The following RBMS3 variants were observed in gnomAD, a reference collection of about 807,000 sequenced individuals.
The protein encoded by RBMS3 is RNA-binding motif, single-stranded-interacting protein 3.
In RBMS3, 27 loss-of-function variants were observed where a neutral mutation model predicts 66.8. The observed-to-expected ratio is 0.40, with a 90% CI of 0.30 to 0.56. The LOEUF is 0.56. Ranked by LOEUF, RBMS3 falls within the 20% of genes least tolerant of loss-of-function variation. RBMS3 has a pLI of 0.40. For synonymous variants in RBMS3, 188 were observed against 183.0 expected, an observed-to-expected ratio of 1.03 and a Z score of -0.22; for missense variants, 513 against 549.5, an observed-to-expected ratio of 0.93 and a Z score of 0.66.
At chr3:29,311,440 G>A (rs932833229) in intron 1 of RBMS3, among the ~76,000 whole-genome samples, 2 of 151,686 alleles carry the variant, frequency 1.3e-5, no homozygotes, top group African/African-American at 4.8e-5. Flanking sequence ...CTGCCAGATT[G>A]GTTGAAGAAT....
chr3:29,482,999 C>T (rs1255443724), intron 2 of RBMS3, among the ~76,000 whole-genome samples: 2 of 151,796 alleles, frequency 1.3e-5, no homozygotes, highest in South Asian at 2.1e-4. Flanking sequence ...AGCCGCCGCC[C>T]CCAGCCTACC....
chr3:29,690,244 G>A (rs1047525453), intron 4 of RBMS3, among the ~76,000 whole-genome samples: 2 of 152,088 alleles, frequency 1.3e-5, no homozygotes, highest in Non-Finnish European at 2.9e-5. Context: ...GAGCCCAGGA[G>A]TTTAAGACCA....
chr3:29,695,408 G>T (rs980419630), intron 4 of RBMS3, among the ~76,000 whole-genome samples: 3 of 152,126 alleles, frequency 2.0e-5, no homozygotes, highest in Non-Finnish European at 4.4e-5. Flanking sequence ...AGCTCACTGC[G>T]AACTTCTTAG....
intron 5 of RBMS3, among the ~76,000 whole-genome samples, chr3:29,747,210 A>G (rs2054941467): frequency 6.6e-6 from 1 of 152,208 alleles, no homozygotes; most frequent in South Asian, 2.1e-4. Context: ...GAATTGGGCC[A>G]ATACATTTAT....
At position 29,506,584 on chromosome 3, in the gene RBMS3, TG is replaced by T. The variant is rs556132716; in HGVS notation, c.307+18087del. Among the ~76,000 whole-genome samples the T allele has an allele frequency of 2.6e-4, 40 of 152,182 alleles. No individual in the cohort carries two copies. In the South Asian group the frequency reaches 7.2e-3, roughly 28 times the overall value. ...TCAGGCTTTGATGACAGGAAAATGC[TG>T]GCCCTATAAAATGTATTTAAAAGTA... On this transcript the variant is annotated intron_variant, in intron 3 of 14. Transcript: ENST00000383767.
chr3:29,788,200 TC>T (rs2056887004), intron 6 of RBMS3, among the ~76,000 whole-genome samples: 1 of 123,964 alleles, frequency 8.1e-6, no homozygotes, highest in Admixed American at 8.2e-5. Context: ...ACTTTGGAGT[TC>T]ATTTTTTTTT....
intron 3 of RBMS3, among the ~76,000 whole-genome samples, chr3:29,560,389 A>AAAG (rs1229273409): frequency 6.6e-6 from 1 of 152,218 alleles, no homozygotes; most frequent in Non-Finnish European, 1.5e-5. Flanking sequence ...AAATATTTTA[A>AAAG]AAGTATGGAA....
chr3:29,987,271 A>G (rs1199957086), intron 12 of RBMS3, among the ~76,000 whole-genome samples: 1 of 152,218 alleles, frequency 6.6e-6, no homozygotes, highest in African/African-American at 2.4e-5. Flanking sequence ...TTGATTCCAT[A>G]GAAAATTCAA....
At chr3:29,817,327 C>A (rs576208298) in intron 6 of RBMS3, among the ~76,000 whole-genome samples, 129 of 151,790 alleles carry the variant, frequency 8.5e-4, no homozygotes, top group African/African-American at 3.0e-3. Flanking sequence ...TCTCAGTGTC[C>A]CGAGTAACTG....
intron 2 of RBMS3, among the ~76,000 whole-genome samples, chr3:29,484,236 A>G (rs928448869): frequency 1.4e-4 from 22 of 152,230 alleles, no homozygotes; most frequent in African/African-American, 5.3e-4. Context: ...AGAGAAGATT[A>G]TTGTGTTAGT....
chr3:29,413,019 A>C (rs984869275), intron 1 of RBMS3, among the ~76,000 whole-genome samples: 1 of 152,182 alleles, frequency 6.6e-6, no homozygotes, highest in Non-Finnish European at 1.5e-5. Flanking sequence ...GGCACTGAAA[A>C]GAGAAGATGG....
At chr3:29,989,727 G>GAATGTGTCATCTTAAACAGTTTT (rs1301448804) in intron 13 of RBMS3, among the ~76,000 whole-genome samples, 12 of 152,186 alleles carry the variant, frequency 7.9e-5, no homozygotes, top group African/African-American at 2.4e-4. Context: ...AGGTCTCAAA[G>GAATGTGTCATCTTAAACAGTTTT]AATGTGTCAT....
intron 12 of RBMS3, among the ~76,000 whole-genome samples, chr3:29,979,573 C>A (rs915540297): frequency 2.6e-5 from 4 of 152,156 alleles, no homozygotes; most frequent in Non-Finnish European, 5.9e-5. Flanking sequence ...TCTCCTAATG[C>A]TATCCCTTCC....
intron 1 of RBMS3, among the ~76,000 whole-genome samples, chr3:29,414,180 C>T (rs1216231399): frequency 2.0e-5 from 3 of 152,090 alleles, no homozygotes; most frequent in Non-Finnish European, 4.4e-5. Flanking sequence ...TGATCACATT[C>T]GATAACAAAG....
intron 6 of RBMS3, among the ~76,000 whole-genome samples, chr3:29,838,897 A>C (rs967334817): frequency 6.6e-6 from 1 of 152,190 alleles, no homozygotes; most frequent in Non-Finnish European, 1.5e-5. Context: ...TAGCTCTCAC[A>C]ATATAGATAT....
chr3:29,704,448 T>C (rs1026438716), intron 4 of RBMS3, among the ~76,000 whole-genome samples: 1 of 152,240 alleles, frequency 6.6e-6, no homozygotes, highest in Non-Finnish European at 1.5e-5. Context: ...TGTCTAGTTA[T>C]TTTTTAAAGA....
intron 1 of RBMS3, among the ~76,000 whole-genome samples, chr3:29,317,629 T>C (rs571537675): frequency 2.0e-4 from 30 of 151,940 alleles, no homozygotes; most frequent in African/African-American, 6.7e-4. Flanking sequence ...AAATAATTAA[T>C]TAATTTAAAA....
intron 3 of RBMS3, among the ~76,000 whole-genome samples, chr3:29,521,621 T>C (rs2044860336): frequency 6.6e-6 from 1 of 152,250 alleles, no homozygotes; most frequent in South Asian, 2.1e-4. Flanking sequence ...TTTTGTTTGC[T>C]ACTTTTTAAG....
chr3:29,834,573 T>C (rs1203618662), intron 6 of RBMS3, among the ~76,000 whole-genome samples: 1 of 151,958 alleles, frequency 6.6e-6, no homozygotes, highest in Non-Finnish European at 1.5e-5. Flanking sequence ...TAGATTGTTA[T>C]AACTAAAGGA....
Sources: gnomAD v4.1 joint callset for allele counts (sites outside exome capture counted in the v4.1 genomes callset) on GRCh38, gnomAD v4.1.1 for gene constraint, MANE v1.5 for transcripts, NCBI Gene and HGNC (gene_info 2026-07-23, HGNC 2026-07-21) for gene names.